Variants in GRIP1 observed in about 807,000 individuals in gnomAD.
GRIP1 encodes the protein glutamate receptor-interacting protein 1.
Under a neutral mutation model 129.9 loss-of-function variants are expected in GRIP1, and 45 were observed. That is an observed-to-expected ratio of 0.35 (90% CI 0.27 to 0.44). The LOEUF is 0.44. GRIP1 is among the 20% of genes least tolerant of loss of function. The pLI, the probability that GRIP1 is intolerant of heterozygous loss-of-function variation, is 1.00. For missense variants in GRIP1, 1,196 were observed against 1,396.8 expected (o/e 0.86, Z 2.29); for synonymous variants, 530 against 520.8 (o/e 1.02, Z -0.24).
chr12:66,814,058 C>T (rs2039157282), intron 1 of GRIP1, among the ~76,000 whole-genome samples: 1 of 151,690 alleles, frequency 6.6e-6, no homozygotes, highest in Non-Finnish European at 1.5e-5. Context: ...AAGGGTTGTG[C>T]CTTAAACTAT....
At chr12:66,780,690 T>C (rs992789740) in intron 1 of GRIP1, among the ~76,000 whole-genome samples, 1 of 152,210 alleles carries the variant, frequency 6.6e-6, no homozygotes, top group Non-Finnish European at 1.5e-5. Flanking sequence ...CCTTTGAATC[T>C]GGGCTGAATT....
intron 1 of GRIP1, among the ~76,000 whole-genome samples, chr12:66,785,323 C>CATATAT (rs2038291950): frequency 5.4e-5 from 3 of 55,978 alleles, no homozygotes; most frequent in African/African-American, 1.9e-4. Context: ...TACATACATA[C>CATATAT]ATACATACAT....
chr12:66,832,764 C>T (rs891066236), intron 1 of GRIP1, among the ~76,000 whole-genome samples: 3 of 152,098 alleles, frequency 2.0e-5, no homozygotes, highest in Non-Finnish European at 4.4e-5. Context: ...ACAACTAACC[C>T]GCTAATTGGA....
At chr12:66,476,572 A>C (rs1349865555) in intron 7 of GRIP1, among the ~76,000 whole-genome samples, 6 of 152,092 alleles carry the variant, frequency 3.9e-5, no homozygotes, top group South Asian at 2.1e-4. Flanking sequence ...GAGACACAAC[A>C]AAAAAAGAGA....
rs142101156 is a variant in GRIP1 at position 66,741,453 on chromosome 12, G to A, written c.-420+62600C>T. Among the ~76,000 whole-genome samples the A allele has an allele frequency of 8.5e-5, 13 of 152,294 alleles. No homozygotes were observed. In the East Asian group the frequency reaches 2.5e-3, roughly 29 times the overall value. ...ATAAAGTAAGATCGGCATTCAGAAA[G>A]TTAACTTGTCGCAGAGATAAAAGAT... is the stretch of plus-strand genomic sequence containing the variant. On this transcript the variant is annotated intron_variant, in intron 1 of 4. Coordinates refer to the GRIP1 transcript ENST00000538373.
chr12:66,788,583 G>C (rs955727494), intron 1 of GRIP1, among the ~76,000 whole-genome samples: 2 of 151,198 alleles, frequency 1.3e-5, no homozygotes, highest in Non-Finnish European at 2.9e-5. Context: ...TTTTTGTCTT[G>C]CATGCCCTTT....
chr12:66,828,362 A>G (rs1023934844), intron 1 of GRIP1, among the ~76,000 whole-genome samples: 5 of 152,328 alleles, frequency 3.3e-5, no homozygotes, highest in Middle Eastern at 6.8e-3. Flanking sequence ...CACCTTTCAA[A>G]TTTTAAGGCC....
chr12:66,477,967 G>A (rs2059674375), intron 7 of GRIP1, among the ~76,000 whole-genome samples: 1 of 151,744 alleles, frequency 6.6e-6, no homozygotes, highest in Non-Finnish European at 1.5e-5. Context: ...CATAGGGATG[G>A]GCAAGGACTT....
intron 2 of GRIP1, among the ~76,000 whole-genome samples, chr12:66,566,601 T>C (rs1159317639): frequency 3.9e-5 from 6 of 152,082 alleles, no homozygotes; most frequent in African/African-American, 1.4e-4. Context: ...TGTTGTGTCC[T>C]TGCCAGGCTT....
At chr12:66,914,933 T>C (rs373060438) in intron 1 of GRIP1, among the ~76,000 whole-genome samples, 33 of 152,274 alleles carry the variant, frequency 2.2e-4, no homozygotes, top group Non-Finnish European at 4.6e-4. Context: ...GAGTCCAGCA[T>C]GGGCAACACA....
At chr12:66,396,459 G>A (rs1294736602) in intron 16 of GRIP1, among the ~76,000 whole-genome samples, 1 of 152,214 alleles carries the variant, frequency 6.6e-6, no homozygotes, top group Non-Finnish European at 1.5e-5. Flanking sequence ...ATTCTGCAGA[G>A]TGAGTATTCC....
rs1471994916 is a variant in GRIP1 at position 66,347,666 on chromosome 12, T to TTTC, written c.*1350_*1352dup. 6.6e-6 allele frequency: 1 copy of TTTC among 152,244 alleles called. No individual in the cohort carries two copies. The highest frequency in any genetic ancestry group is 1.9e-4 in the East Asian group (1 of 5,206). The allele number at this position is 152,244 out of a possible 1,614,324, so 9.4% of individuals were successfully genotyped here. ...AGTGACTCATGATCTTTTTTTCTTTTTTCTTAACATGATCCTGCTTTATAC... is the reference window on the plus strand; with the variant it reads ...AGTGACTCATGATCTTTTTTTCTTTTTTCTTCTTAACATGATCCTGCTTTATAC... On this transcript the variant is annotated 3_prime_UTR_variant, in exon 25 of 25. Coordinates refer to ENST00000359742, the MANE Select transcript of GRIP1 (RefSeq NM_001366722.1).
chr12:66,870,300 A>G (rs560316761), intron 1 of GRIP1, among the ~76,000 whole-genome samples: 1 of 152,126 alleles, frequency 6.6e-6, no homozygotes, highest in Non-Finnish European at 1.5e-5. Context: ...AAAATGATAA[A>G]GTTATTACTA....
chr12:66,523,704 A>T (rs1285641065), intron 5 of GRIP1, among the ~76,000 whole-genome samples: 7 of 152,322 alleles, frequency 4.6e-5, no homozygotes, highest in Admixed American at 2.6e-4. Context: ...TAAATGGGCT[A>T]AAAGCTCCAA....
chr12:66,515,237 A>G (rs1453904486), intron 7 of GRIP1, among the ~76,000 whole-genome samples: 1 of 152,108 alleles, frequency 6.6e-6, no homozygotes, highest in African/African-American at 2.4e-5. Context: ...AAGGAAAGGA[A>G]TCACCTACTG....
At chr12:66,856,318 A>G (rs1047593999) in intron 1 of GRIP1, among the ~76,000 whole-genome samples, 1 of 152,178 alleles carries the variant, frequency 6.6e-6, no homozygotes, top group Non-Finnish European at 1.5e-5. Context: ...ATGGGCAAGG[A>G]CTTCATGTCT....
At chr12:66,459,648 A>G (rs2059075603) in intron 9 of GRIP1, among the ~76,000 whole-genome samples, 1 of 152,276 alleles carries the variant, frequency 6.6e-6, no homozygotes, top group African/African-American at 2.4e-5. Context: ...ACTTTGAATT[A>G]CTACTGGGGA....
intron 1 of GRIP1, among the ~76,000 whole-genome samples, chr12:66,785,313 TAC>T (rs1258638071): frequency 3.5e-4 from 17 of 49,100 alleles, no homozygotes; most frequent in African/African-American, 1.0e-3. Context: ...TTAACATACA[TAC>T]ATACATACAT....
chr12:66,751,283 G>A (rs2037118561), intron 1 of GRIP1, among the ~76,000 whole-genome samples: 1 of 152,088 alleles, frequency 6.6e-6, no homozygotes. Flanking sequence ...TAAAATACTA[G>A]GAAAACTAAG....
Sources: allele counts gnomAD v4.1 joint callset (sites outside exome capture counted in the v4.1 genomes callset), GRCh38; gene constraint gnomAD v4.1.1; transcripts MANE v1.5; gene names NCBI Gene and HGNC (gene_info 2026-07-23, HGNC 2026-07-21).